The following APBB1IP variants were observed in gnomAD, a reference collection of about 807,000 sequenced individuals.
APBB1IP encodes amyloid beta A4 precursor protein-binding family B member 1-interacting protein.
A neutral mutation model predicts 64.9 loss-of-function variants in APBB1IP; 27 were observed. That is an observed-to-expected ratio of 0.42 (90% CI 0.31 to 0.57). The LOEUF (loss-of-function observed/expected upper bound fraction) is 0.57, where lower values mean the gene tolerates loss of function less well. Among genes scored for constraint, APBB1IP ranks in the 20% least tolerant of loss-of-function variants. The pLI, the probability that APBB1IP is intolerant of heterozygous loss-of-function variation, is 0.20. For missense variants in APBB1IP, 812 were observed against 845.5 expected, an observed-to-expected ratio of 0.96 and a Z score of 0.49; for synonymous variants, 392 against 331.0, an observed-to-expected ratio of 1.18 and a Z score of -2.00.
intron 8 of APBB1IP, among the ~76,000 whole-genome samples, chr10:26,522,008 C>A (rs138250136): frequency 0.032 from 4,903 of 152,230 alleles, 126 homozygotes; most frequent in Middle Eastern, 0.061. Flanking sequence ...ACCTCGGCCT[C>A]CCAAAGTGCT....
chr10:26,523,210 A>C (rs1836426624), intron 8 of APBB1IP, among the ~76,000 whole-genome samples: 1 of 152,170 alleles, frequency 6.6e-6, no homozygotes, highest in African/African-American at 2.4e-5. Flanking sequence ...TGTTCACATA[A>C]ATAAGTAGAT....
chr10:26,470,342 C>T (rs1177824592), intron 2 of APBB1IP, among the ~76,000 whole-genome samples: 3 of 152,018 alleles, frequency 2.0e-5, no homozygotes, highest in Admixed American at 6.5e-5. Context: ...TTTGAGACCA[C>T]CCTGACCAAT....
At position 26,567,194 on chromosome 10, in the gene APBB1IP, G is replaced by T; in HGVS notation, c.1707G>T (p.Pro569=). Residue 569 remains proline, a synonymous_variant, in exon 15 of 15, where the codon CCG becomes CCT. Coordinates refer to ENST00000376236, the MANE Select transcript of APBB1IP (RefSeq NM_019043.4). ...CGCCCCTCGATGACCCTGAGCTCCC[G>T]CCGCCGCCCCCGGACTTCATGGAGC... ...PPPPLDDPEL[P]PPPPDFMEPP... 7.2e-7 allele frequency: 1 copy of T among 1,389,982 alleles called. No individual in the cohort carries two copies. The highest frequency in any genetic ancestry group is 9.3e-7 in the Non-Finnish European group (1 of 1,077,062). The allele number at this position is 1,389,982 out of a possible 1,614,324, so 86.1% of individuals were successfully genotyped here.
chr10:26,513,423 T>G, intron 7 of APBB1IP, 116 bp from the exon 8 acceptor site: 2 of 1,138,768 alleles, frequency 1.8e-6, no homozygotes, highest in Non-Finnish European at 2.6e-6. Flanking sequence ...GAATTATTAA[T>G]AAGAATCCCA....
In APBB1IP at chr10:26,501,047, C is replaced by T. The variant is rs1309817513; in HGVS notation, c.389C>T (p.Pro130Leu). The change falls in exon 5 of 15, where the codon CCT (proline) becomes CTT (leucine). Residue 130 changes from proline (P) to leucine (L), a missense_variant. Physicochemically the swap from Pro to Leu is moderately conservative, Grantham distance 98. Coordinates refer to ENST00000376236, the MANE Select transcript of APBB1IP (RefSeq NM_019043.4). ...GISQYEDDLPPPPADPVLDLP... is the reference protein window; with the variant it reads ...GISQYEDDLPLPPADPVLDLP... The stretch of plus-strand genomic sequence containing the variant: ...AGCCAATATGAGGATGACTTACCAC[C>T]TCCACCAGCCGATCCTGTGTTAGAC... 2.5e-6 allele frequency: 4 copies of T among 1,614,170 alleles called. No homozygotes were observed. Among genetic ancestry groups the T allele is most frequent in the Non-Finnish European group, 3.4e-6 (4 of 1,180,020 alleles).
intron 2 of APBB1IP, among the ~76,000 whole-genome samples, chr10:26,449,095 C>T (rs1835433197): frequency 6.6e-6 from 1 of 152,168 alleles, no homozygotes. Context: ...CAAGGAGATT[C>T]CAGTGCAGTT....
At chr10:26,496,876 G>A (rs1424423361) in intron 4 of APBB1IP, among the ~76,000 whole-genome samples, 2 of 151,346 alleles carry the variant, frequency 1.3e-5, no homozygotes, top group African/African-American at 4.9e-5. Flanking sequence ...TCCTGAACTT[G>A]TCACTTTATT....
chr10:26,443,447 C>CA (rs71281576), intron 2 of APBB1IP, among the ~76,000 whole-genome samples: 2,820 of 137,600 alleles, frequency 0.02, 80 homozygotes, highest in African/African-American at 0.066. Context: ...AACTCCATCT[C>CA]AAAAAAAAAA....
intron 8 of APBB1IP, among the ~76,000 whole-genome samples, chr10:26,527,104 G>T (rs537368286): frequency 1.5e-4 from 23 of 152,336 alleles, no homozygotes; most frequent in Admixed American, 4.6e-4. Context: ...ACCAGGTGTG[G>T]TTAGAAGGAA....
chr10:26,533,155 C>A (rs1836575361), intron 8 of APBB1IP, among the ~76,000 whole-genome samples: 1 of 152,214 alleles, frequency 6.6e-6, no homozygotes. Flanking sequence ...ATGGTCCATG[C>A]ATGGACTTCA....
intron 6 of APBB1IP, among the ~76,000 whole-genome samples, chr10:26,505,000 C>T (rs1179219841): frequency 6.6e-6 from 1 of 152,116 alleles, no homozygotes; most frequent in Non-Finnish European, 1.5e-5. Context: ...AAGCGCGCCA[C>T]CCATCTCAGC....
chr10:26,520,639 CAGGCATAATTGCT>C (rs1417359057), intron 8 of APBB1IP, among the ~76,000 whole-genome samples: 3 of 152,286 alleles, frequency 2.0e-5, no homozygotes, highest in African/African-American at 7.2e-5. Context: ...TATGCTTGTG[CAGGCATAATTGCT>C]AGGCATCCAT....
intron 2 of APBB1IP, among the ~76,000 whole-genome samples, chr10:26,474,995 A>C (rs963968109): frequency 6.6e-6 from 1 of 152,250 alleles, no homozygotes; most frequent in Non-Finnish European, 1.5e-5. Context: ...CAGTTTTAGA[A>C]GTTTCTAGAA....
intron 6 of APBB1IP, among the ~76,000 whole-genome samples, chr10:26,509,052 C>A (rs1050488529): frequency 6.6e-6 from 1 of 152,164 alleles, no homozygotes; most frequent in Non-Finnish European, 1.5e-5. Context: ...TACTTTACAG[C>A]AGTAATTCTC....
At chr10:26,531,989 A>G (rs1322649877) in intron 8 of APBB1IP, among the ~76,000 whole-genome samples, 1 of 152,218 alleles carries the variant, frequency 6.6e-6, no homozygotes, top group Non-Finnish European at 1.5e-5. Flanking sequence ...TTCAGTGTGC[A>G]TAAAAATCAT....
intron 7 of APBB1IP, among the ~76,000 whole-genome samples, 162 bp downstream of exon 7, chr10:26,512,068 G>A (rs549761466): frequency 3.6e-4 from 55 of 152,218 alleles, no homozygotes; most frequent in African/African-American, 1.1e-3. Flanking sequence ...GTGCTCAAGC[G>A]ATCCTCCCAC....
chr10:26,523,010 C>CAAAAAAAAAAAAAAAAAAAA (rs35641109), intron 8 of APBB1IP, among the ~76,000 whole-genome samples: 1 of 64,762 alleles, frequency 1.5e-5, no homozygotes, highest in Non-Finnish European at 3.1e-5. Flanking sequence ...ACTCCATCTC[C>CAAAAAAAAAAAAAAAAAAAA]AAAAAAAAAA....
intron 10 of APBB1IP, among the ~76,000 whole-genome samples, chr10:26,539,040 A>G (rs549609776): frequency 2.0e-5 from 3 of 152,350 alleles, no homozygotes; most frequent in Admixed American, 6.5e-5. Flanking sequence ...ATAATTTCCT[A>G]CCTCATTCCA....
At chr10:26,477,129 G>A (rs190567375) in intron 2 of APBB1IP, among the ~76,000 whole-genome samples, 1 of 152,096 alleles carries the variant, frequency 6.6e-6, no homozygotes, top group Admixed American at 6.6e-5. Context: ...CAGTTACTTT[G>A]TTCATTTTGC....
Sources: gnomAD v4.1 joint callset for allele counts (sites outside exome capture counted in the v4.1 genomes callset) on GRCh38, gnomAD v4.1.1 for gene constraint, MANE v1.5 for transcripts, NCBI Gene and HGNC (gene_info 2026-07-23, HGNC 2026-07-21) for gene names.